Variants in PRDM6 observed in about 807,000 individuals in gnomAD.
The protein encoded by PRDM6 is putative histone-lysine N-methyltransferase PRDM6.
Under a neutral mutation model 60.8 loss-of-function variants are expected in PRDM6, and 25 were observed. The observed-to-expected ratio is 0.41, with a 90% CI of 0.30 to 0.57. PRDM6 has a LOEUF of 0.57. Among genes scored for constraint, PRDM6 ranks in the 20% least tolerant of loss-of-function variants. The pLI is 0.27. For missense variants in PRDM6, 839 were observed against 821.3 expected, an observed-to-expected ratio of 1.02 and a Z score of -0.26; for synonymous variants, 407 against 357.4, an observed-to-expected ratio of 1.14 and a Z score of -1.57.
chr5:123,119,184 G>GA (rs993522490), intron 3 of PRDM6, among the ~76,000 whole-genome samples: 17 of 151,456 alleles, frequency 1.1e-4, no homozygotes, highest in African/African-American at 4.1e-4. Flanking sequence ...AAACAAACAA[G>GA]AAAAAAACTA....
intron 3 of PRDM6, among the ~76,000 whole-genome samples, chr5:123,140,178 C>T (rs1394314855): frequency 6.6e-6 from 1 of 151,756 alleles, no homozygotes; most frequent in African/African-American, 2.4e-5. Context: ...GATGTAGTAA[C>T]ATCTTTAATC....
At chr5:123,118,154 C>T (rs1348107291) in intron 3 of PRDM6, among the ~76,000 whole-genome samples, 2 of 152,148 alleles carry the variant, frequency 1.3e-5, no homozygotes, top group African/African-American at 4.8e-5. Flanking sequence ...CAAGCCTCCT[C>T]TGGATGTTAG....
At chr5:123,097,762 A>G (rs942443892) in intron 2 of PRDM6, among the ~76,000 whole-genome samples, 6 of 152,180 alleles carry the variant, frequency 3.9e-5, no homozygotes, top group Non-Finnish European at 7.3e-5. Flanking sequence ...AATTTTAACA[A>G]TAGTTTGTGT....
chr5:123,092,782 T>C (rs1763870682), intron 2 of PRDM6, among the ~76,000 whole-genome samples: 1 of 152,136 alleles, frequency 6.6e-6, no homozygotes, highest in Non-Finnish European at 1.5e-5. Flanking sequence ...AAAGCTGAGA[T>C]AGCGCTGTGT....
chr5:123,147,446 A>G (rs999489259), intron 3 of PRDM6, among the ~76,000 whole-genome samples: 1 of 152,196 alleles, frequency 6.6e-6, no homozygotes, highest in Admixed American at 6.5e-5. Flanking sequence ...TATTGCTGCA[A>G]CGGAGAAGAG....
intron 6 of PRDM6, among the ~76,000 whole-genome samples, chr5:123,176,230 A>G (rs1580540080): frequency 6.8e-6 from 1 of 147,770 alleles, no homozygotes; most frequent in East Asian, 2.1e-4. Context: ...GATACAGAAC[A>G]GCTCCGTCAT....
intron 2 of PRDM6, among the ~76,000 whole-genome samples, chr5:123,096,845 T>C (rs1763970232): frequency 6.6e-6 from 1 of 152,248 alleles, no homozygotes; most frequent in Non-Finnish European, 1.5e-5. Flanking sequence ...TTTATTATCA[T>C]GCATTACAAA....
intron 5 of PRDM6, among the ~76,000 whole-genome samples, chr5:123,168,441 A>G (rs1414299718): frequency 1.3e-5 from 2 of 152,152 alleles, no homozygotes; most frequent in African/African-American, 4.8e-5. Flanking sequence ...CTTGCCACCT[A>G]GATATGTTCT....
rs957325837 is a variant in PRDM6, at chr5:123,099,445, T to G, written c.593-209T>G. The stretch of plus-strand genomic sequence containing the variant: ...GTCCTGGCCCGGTACCAGGCAGATC[T>G]GGGTGCGGCGAATTCCAAGGGAGCG... On this transcript the variant is annotated intron_variant, in intron 2 of 7. Coordinates refer to ENST00000407847, the MANE Select transcript of PRDM6 (RefSeq NM_001136239.4). This position sits in a 1 kb window ranked among gnomAD's most constrained non-coding sequence, Gnocchi z 4.0. Among the ~76,000 whole-genome samples, 8 of 152,182 alleles carry G rather than the reference T, an allele frequency of 5.3e-5. No individual in the cohort carries two copies. Among genetic ancestry groups the G allele is most frequent in the African/African-American group, 1.9e-4 (8 of 41,454 alleles).
intron 3 of PRDM6, among the ~76,000 whole-genome samples, chr5:123,152,838 G>A (rs977117906): frequency 2.0e-5 from 3 of 152,178 alleles, no homozygotes; most frequent in Admixed American, 6.5e-5. Flanking sequence ...CTCCTTTCTT[G>A]TGGTAGCTTT....
intron 3 of PRDM6, among the ~76,000 whole-genome samples, chr5:123,152,520 A>G (rs1332154267): frequency 2.0e-5 from 3 of 152,248 alleles, no homozygotes; most frequent in Non-Finnish European, 2.9e-5. Flanking sequence ...TGCAAAGGAG[A>G]AACACTTTGC....
At position 123,099,874 on chromosome 5, in the gene PRDM6, C is replaced by T. The variant is rs1460179709; in HGVS notation, c.813C>T (p.Gly271=). The change falls in exon 3 of 8, where the codon GGC becomes GGT. Residue 271 remains glycine, a synonymous_variant. Coordinates refer to ENST00000407847, the MANE Select transcript of PRDM6 (RefSeq NM_001136239.4). This position sits in a 1 kb window ranked among gnomAD's most constrained non-coding sequence, Gnocchi z 4.0. ...GICAAQRIQQ[G]TWIGPFQGVL... is the part of the protein sequence containing the mutation. ...GCGCGGCGCAGAGGATCCAGCAAGG[C>T]ACCTGGATTGGACCTTTCCAAGGCG... The T allele has an allele frequency of 6.4e-7, 1 of 1,550,450 alleles. No individual in the cohort carries two copies. The highest frequency in any genetic ancestry group is 1.2e-5 in the South Asian group (1 of 83,818).
At chr5:123,174,549 T>C (rs757025907) in intron 6 of PRDM6, among the ~76,000 whole-genome samples, 1 of 152,182 alleles carries the variant, frequency 6.6e-6, no homozygotes, top group African/African-American at 2.4e-5. Context: ...GTCCAAATGA[T>C]TTTTTATTCA....
At chr5:123,103,096 A>G (rs1764137674) in intron 3 of PRDM6, among the ~76,000 whole-genome samples, 1 of 152,086 alleles carries the variant, frequency 6.6e-6, no homozygotes, top group Non-Finnish European at 1.5e-5. Flanking sequence ...GTATAATCAT[A>G]GTTCTTCAAA....
intron 5 of PRDM6, among the ~76,000 whole-genome samples, chr5:123,167,808 C>G (rs1378993939): frequency 1.3e-5 from 2 of 152,210 alleles, no homozygotes; most frequent in African/African-American, 4.8e-5. Flanking sequence ...AGTGAGGCAG[C>G]TGGCCAGTAT....
rs1010768797 is a variant in PRDM6 at position 123,192,015 on chromosome 5, C to T, written c.*4814C>T. The T allele has an allele frequency of 6.6e-6, 1 of 152,112 alleles. No homozygotes were observed. The highest frequency in any genetic ancestry group is 6.6e-5 in the Admixed American group (1 of 15,250). The allele number at this position is 152,112 out of a possible 1,614,324, so 9.4% of individuals were successfully genotyped here. ...TGTAAAACGATAACAAAAAATATGT[C>T]GGAAACAGGTCAAAGTCATGAAACA... On this transcript the variant is annotated 3_prime_UTR_variant, in exon 8 of 8. Coordinates refer to ENST00000407847, the MANE Select transcript of PRDM6 (RefSeq NM_001136239.4).
intron 3 of PRDM6, among the ~76,000 whole-genome samples, chr5:123,144,614 G>T: frequency 6.6e-6 from 1 of 152,088 alleles, no homozygotes; most frequent in Middle Eastern, 3.2e-3. Context: ...AATGGGAGGA[G>T]AACCAACACT....
At chr5:123,178,249 T>G (rs1766061700) in intron 6 of PRDM6, among the ~76,000 whole-genome samples, 1 of 152,210 alleles carries the variant, frequency 6.6e-6, no homozygotes. Context: ...TATTGTTTAT[T>G]GTGATAGCCA....
chr5:123,152,069 T>C (rs780705040), intron 3 of PRDM6, among the ~76,000 whole-genome samples: 5 of 152,080 alleles, frequency 3.3e-5, no homozygotes, highest in Non-Finnish European at 5.9e-5. Context: ...AAAGCTTGGA[T>C]CTTGGGTCAG....
Sources: gnomAD v4.1 joint callset for allele counts (sites outside exome capture counted in the v4.1 genomes callset) on GRCh38, gnomAD v4.1.1 for gene constraint, Gnocchi (gnomAD v3.1) non-coding constraint, MANE v1.5 for transcripts, NCBI Gene and HGNC (gene_info 2026-07-23, HGNC 2026-07-21) for gene names.